UGT2B15: variants seen among roughly 807,000 people sequenced by gnomAD.
UGT2B15 encodes the protein UDP glucuronosyltransferase family 2 member B15.
In UGT2B15, 36 loss-of-function variants were observed where a neutral mutation model predicts 45.9. That is an observed-to-expected ratio of 0.78 (90% CI 0.60 to 1.04). UGT2B15 has a LOEUF of 1.04. Among genes scored for constraint, UGT2B15 ranks in the 50% least tolerant of loss-of-function variants. UGT2B15 has a pLI of 0.00. For synonymous variants in UGT2B15, 219 were observed against 216.4 expected (o/e 1.01, Z -0.11); for missense variants, 617 against 622.4 (o/e 0.99, Z 0.09).
rs530642065 is a variant in UGT2B15 at position 68,648,246 on chromosome 4, T to C, written c.1314-863A>G. Among the ~76,000 whole-genome samples, 12 of 152,226 alleles carry C rather than the reference T, an allele frequency of 7.9e-5. No individual in the cohort carries two copies. The East Asian group carries it at 2.3e-3, about 29-fold the overall frequency. On this transcript the variant is annotated intron_variant, in intron 5 of 5. Coordinates refer to ENST00000338206, the MANE Select transcript of UGT2B15 (RefSeq NM_001076.4). Reference sequence around the variant, plus strand: ...CAAATCTGTCTTTGGTCTAGAGAACTCTACACAGGCACCTACTTGTCCTAG... The same window carrying C: ...CAAATCTGTCTTTGGTCTAGAGAACCCTACACAGGCACCTACTTGTCCTAG...
chr4:68,661,011 C>T (rs1732949922), intron 3 of UGT2B15, among the ~76,000 whole-genome samples: 1 of 151,986 alleles, frequency 6.6e-6, no homozygotes, highest in Admixed American at 6.6e-5. Flanking sequence ...CTTCATAGGA[C>T]ATGAGACTTC....
At position 68,654,106 on chromosome 4, in the gene UGT2B15, C is replaced by T. The variant is rs1384423699; in HGVS notation, c.1244G>A (p.Ser415Asn). The T allele has an allele frequency of 6.2e-7, 1 of 1,613,546 alleles. No individual in the cohort carries two copies. Among genetic ancestry groups the T allele is most frequent in the East Asian group, 2.2e-5 (1 of 44,896 alleles). ...AHMKAKGAAL[S>N]VDIRTMSSRD... ...ACTTGACATGGTCCTGATGTCCACA[C>T]TGAGGGCTGCTCCCTTGGCTTTCAT... The change falls in exon 5 of 6, where the codon AGT (serine) becomes AAT (asparagine). Residue 415 changes from serine to asparagine, a missense_variant. Ser to Asn is a conservative substitution (Grantham distance 46). Around this residue, in one of 3 missense-constraint regions of UGT2B15, gnomAD observed 265 missense variants for 245.1 expected, o/e 1.08. Transcript: ENST00000338206.
chr4:68,647,701 T>A (rs1041457649), intron 5 of UGT2B15, among the ~76,000 whole-genome samples: 2 of 151,924 alleles, frequency 1.3e-5, no homozygotes, highest in Non-Finnish European at 2.9e-5. Flanking sequence ...TTGAGAATGA[T>A]CTTTTTGATC....
chr4:68,670,250 G>T lies in UGT2B15; in HGVS notation c.369C>A (p.Tyr123Ter). 1 of 1,613,910 alleles carries T rather than the reference G, an allele frequency of 6.2e-7. No individual in the cohort carries two copies. Among genetic ancestry groups the T allele is most frequent in the East Asian group, 2.2e-5 (1 of 44,872 alleles). Residue 123 changes from tyrosine (Y) to a stop codon, truncating the protein, a stop_gained, in exon 1 of 6, where the codon TAC becomes TAA. Transcript: ENST00000338206. LOFTEE classifies it high-confidence loss of function. Reference protein sequence around the residue: ...LQELCWEYYDYSNKLCKDAVL... With the variant: ...LQELCWEYYD ...CTGCATCTTTACAGAGCTTGTTACT[G>T]TAGTCATAATATTCCCAACACAATT...
intron 3 of UGT2B15, among the ~76,000 whole-genome samples, chr4:68,659,521 A>G (rs1359699539): frequency 2.6e-5 from 4 of 151,956 alleles, no homozygotes; most frequent in Non-Finnish European, 4.4e-5. Context: ...AAATTATGGG[A>G]AACTCCTATA....
At chr4:68,647,604 A>G (rs1419514407) in intron 5 of UGT2B15, among the ~76,000 whole-genome samples, 1 of 152,112 alleles carries the variant, frequency 6.6e-6, no homozygotes, top group Non-Finnish European at 1.5e-5. Flanking sequence ...GAAAAATGGA[A>G]TTTTCGGTGG....
rs192820306 is a variant in UGT2B15 at position 68,668,393 on chromosome 4, T to A, written c.725-205A>T. ...TGCATATGTTGCTCATATGTATATA[T>A]AAGGAAGGCAATGTATTCAGAGATC... On this transcript the variant is annotated intron_variant, in intron 1 of 5. Transcript: ENST00000338206. 2.7e-4 allele frequency among the ~76,000 whole-genome samples: 41 copies of A among 152,288 alleles called. No individual in the cohort carries two copies. The highest frequency in any genetic ancestry group is 5.2e-4 in the Admixed American group (8 of 15,272).
intron 3 of UGT2B15, among the ~76,000 whole-genome samples, chr4:68,655,477 A>G (rs1283591912): frequency 2.0e-5 from 3 of 152,092 alleles, no homozygotes; most frequent in African/African-American, 7.2e-5. Flanking sequence ...CCCAAACTCT[A>G]TGCTAAAGGG....
chr4:68,664,246 C>T (rs186952794), intron 2 of UGT2B15, among the ~76,000 whole-genome samples: 63 of 140,944 alleles, frequency 4.5e-4, no homozygotes, highest in African/African-American at 1.6e-3. Context: ...AATGCCACAT[C>T]GCTCAATGTA....
intron 5 of UGT2B15, among the ~76,000 whole-genome samples, chr4:68,650,075 C>G (rs1346433776): frequency 6.6e-6 from 1 of 152,072 alleles, no homozygotes; most frequent in African/African-American, 2.4e-5. Flanking sequence ...ACCTCGTGAT[C>G]TGCCCTCCTC....
At chr4:68,667,499 A>C (rs1349852) in intron 2 of UGT2B15, among the ~76,000 whole-genome samples, 78,717 of 151,214 alleles carry the variant, frequency 0.52, 20,812 homozygotes, top group Admixed American at 0.58. Context: ...TTGGGTGTTT[A>C]TCAACCCCTC....
chr4:68,663,772 C>T (rs957829906), intron 2 of UGT2B15, among the ~76,000 whole-genome samples: 5 of 149,662 alleles, frequency 3.3e-5, no homozygotes, highest in Non-Finnish European at 5.9e-5. Context: ...GACACCCCCA[C>T]CCCCCAAAAA....
chr4:68,664,364 G>A (rs1245580213), intron 2 of UGT2B15, among the ~76,000 whole-genome samples: 1 of 150,666 alleles, frequency 6.6e-6, no homozygotes, highest in African/African-American at 2.4e-5. Context: ...TTTTGTTGCT[G>A]TTGTCCCTTT....
chr4:68,660,290 C>T (rs1320499075), intron 3 of UGT2B15, among the ~76,000 whole-genome samples: 4 of 149,926 alleles, frequency 2.7e-5, no homozygotes, highest in African/African-American at 7.3e-5. Context: ...TACAGGGTTC[C>T]TGAACTGTGT....
intron 3 of UGT2B15, among the ~76,000 whole-genome samples, chr4:68,658,310 A>G (rs967523461): frequency 4.6e-5 from 3 of 64,610 alleles, no homozygotes; most frequent in Non-Finnish European, 6.3e-5. Flanking sequence ...ACTTTGCCAG[A>G]AAAAAAAGAC....
At chr4:68,663,215 T>A in intron 2 of UGT2B15, 76 bp from the exon 3 acceptor site, 1 of 1,479,600 alleles carries the variant, frequency 6.8e-7, no homozygotes, top group African/African-American at 1.4e-5. Context: ...GTTACAAACA[T>A]CTAAGATGAG....
At position 68,662,698 on chromosome 4, in the gene UGT2B15, A is replaced by C. The variant is rs1733000577; in HGVS notation, c.1005+310T>G. Among the ~76,000 whole-genome samples, 4 of 151,664 alleles carry C rather than the reference A, an allele frequency of 2.6e-5. No homozygotes were observed. In the South Asian group the frequency reaches 8.4e-4, roughly 32 times the overall value. On this transcript the variant is annotated intron_variant, in intron 3 of 5. Transcript: ENST00000338206. ...TAAAATCCTGTAAACCAAAAGGAGC[A>C]AATGACAGGGCAGAATTTAGTGATT...
chr4:68,667,938 T>C (rs1176159642), intron 2 of UGT2B15, 102 bp downstream of exon 2: 6 of 1,500,370 alleles, frequency 4.0e-6, no homozygotes, highest in Non-Finnish European at 5.4e-6. Context: ...GTTTTTGACC[T>C]CCCATATTCC....
At position 68,658,187 on chromosome 4, in the gene UGT2B15, A is replaced by G. The variant is rs1473601956; in HGVS notation, c.1006-3005T>C. Among the ~76,000 whole-genome samples, 4 of 152,142 alleles carry G rather than the reference A, an allele frequency of 2.6e-5. No homozygotes were observed. The South Asian group carries it at 6.2e-4, about 24-fold the overall frequency. ...ATCTATAAGATGTACTTCTATTGGCATGCTTAATGTGTGTATGTATTTATG... is the reference window on the plus strand; with the variant it reads ...ATCTATAAGATGTACTTCTATTGGCGTGCTTAATGTGTGTATGTATTTATG... On this transcript the variant is annotated intron_variant, in intron 3 of 5. Coordinates refer to ENST00000338206, the MANE Select transcript of UGT2B15 (RefSeq NM_001076.4).
Sources: gnomAD v4.1 joint callset for allele counts (sites outside exome capture counted in the v4.1 genomes callset) on GRCh38, gnomAD v4.1.1 for gene constraint, gnomAD v4.1.1 regional missense constraint, MANE v1.5 for transcripts, NCBI Gene and HGNC (gene_info 2026-07-23, HGNC 2026-07-21) for gene names.